Variants in TIAM1 observed in about 807,000 individuals in gnomAD.
TIAM1 encodes rho guanine nucleotide exchange factor TIAM1.
In TIAM1, 65 loss-of-function variants were observed where a neutral mutation model predicts 163.5. That is an observed-to-expected ratio of 0.40 (90% CI 0.33 to 0.49). The LOEUF (loss-of-function observed/expected upper bound fraction) is 0.49, where lower values mean the gene tolerates loss of function less well. Ranked by LOEUF, TIAM1 falls within the 20% of genes least tolerant of loss-of-function variation. TIAM1 has a pLI of 0.77. For missense variants in TIAM1, 1,789 were observed against 2,044.7 expected (o/e 0.87, Z 2.41); for synonymous variants, 833 against 810.1 (o/e 1.03, Z -0.48).
At chr21:31,149,169 G>A (rs1299275549) in intron 19 of TIAM1, among the ~76,000 whole-genome samples, 1 of 152,146 alleles carries the variant, frequency 6.6e-6, no homozygotes, top group African/African-American at 2.4e-5. Context: ...GCAAAGTGAA[G>A]GTATATGAAG....
intron 2 of TIAM1, among the ~76,000 whole-genome samples, chr21:31,289,740 T>C (rs1371661386): frequency 2.0e-5 from 3 of 152,142 alleles, no homozygotes; most frequent in African/African-American, 4.8e-5. Context: ...TCTTTTAATA[T>C]AAAGGCAATT....
At chr21:31,326,908 C>A (rs1025097584) in intron 2 of TIAM1, among the ~76,000 whole-genome samples, 1 of 152,128 alleles carries the variant, frequency 6.6e-6, no homozygotes, top group African/African-American at 2.4e-5. Flanking sequence ...CATCTGTGGG[C>A]AAGTTTACCA....
chr21:31,219,625 G>A (rs573734175), intron 8 of TIAM1, among the ~76,000 whole-genome samples: 2 of 152,288 alleles, frequency 1.3e-5, no homozygotes, highest in Admixed American at 6.5e-5. Flanking sequence ...AATCAAAACG[G>A]CTTCTCTACA....
In TIAM1 at chr21:31,210,647, AAG is replaced by A. The variant is rs1331246598; in HGVS notation, c.2218-434_2218-433del. Among the ~76,000 whole-genome samples, 80 of 25,306 alleles carry A rather than the reference AAG, an allele frequency of 3.2e-3. 3 individuals are homozygous for A. Among genetic ancestry groups the A allele is most frequent in the South Asian group, 9.1e-3 (6 of 660 alleles). The allele number at this position is 25,306 out of a possible 152,430, so 16.6% of individuals were successfully genotyped here. ...AAAGAAAGAAAGAAAGAAAGAAAGA[AAG>A]AAAGAAAGAAAGAAAGAAAAAGAAA... On this transcript the variant is annotated intron_variant, in intron 10 of 27. Coordinates refer to ENST00000541036, the MANE Select transcript of TIAM1 (RefSeq NM_001353694.2).
chr21:31,390,882 T>C (rs944239673), intron 2 of TIAM1, among the ~76,000 whole-genome samples: 12 of 152,126 alleles, frequency 7.9e-5, no homozygotes, highest in Admixed American at 1.3e-4. Flanking sequence ...ACGACTAGCT[T>C]TTCCAGGATC....
chr21:31,382,529 T>C (rs1312553289), intron 2 of TIAM1, among the ~76,000 whole-genome samples: 1 of 152,246 alleles, frequency 6.6e-6, no homozygotes, highest in East Asian at 1.9e-4. Flanking sequence ...AACAACCTCC[T>C]GACAACTCTT....
At chr21:31,332,075 C>T (rs1188355203) in intron 2 of TIAM1, among the ~76,000 whole-genome samples, 2 of 152,206 alleles carry the variant, frequency 1.3e-5, no homozygotes, top group African/African-American at 4.8e-5. Flanking sequence ...TTTCTGCTCT[C>T]AAAATTACTT....
chr21:31,325,865 T>C (rs1434230641), intron 2 of TIAM1, among the ~76,000 whole-genome samples: 1 of 152,200 alleles, frequency 6.6e-6, no homozygotes, highest in African/African-American at 2.4e-5. Flanking sequence ...TTTTCCCCTT[T>C]ACTGTTTACT....
intron 2 of TIAM1, among the ~76,000 whole-genome samples, chr21:31,427,364 G>A (rs1386203694): frequency 3.9e-5 from 6 of 152,134 alleles, no homozygotes; most frequent in Non-Finnish European, 4.4e-5. Context: ...GTGGGCGCCT[G>A]TAGTCCCAGC....
intron 25 of TIAM1, among the ~76,000 whole-genome samples, chr21:31,128,835 G>A (rs2082306218): frequency 6.6e-6 from 1 of 152,188 alleles, no homozygotes; most frequent in African/African-American, 2.4e-5. Context: ...AGGAAGAGAT[G>A]CCTCATTTAA....
chr21:31,517,562 CTA>C (rs972584186), intron 1 of TIAM1, among the ~76,000 whole-genome samples: 3 of 152,088 alleles, frequency 2.0e-5, no homozygotes, highest in African/African-American at 7.2e-5. Flanking sequence ...GAGGAAAAAG[CTA>C]TGTGACCACA....
chr21:31,187,158 C>A (rs1400503448), intron 13 of TIAM1, 71 bp from the exon 14 acceptor site: 10 of 1,334,558 alleles, frequency 7.5e-6, no homozygotes, highest in South Asian at 1.2e-5. Context: ...CAGGAAGTGC[C>A]TGCTGTGAAC....
chr21:31,555,280 A>C (rs1328184449), intron 1 of TIAM1, among the ~76,000 whole-genome samples: 1 of 151,912 alleles, frequency 6.6e-6, no homozygotes, highest in Non-Finnish European at 1.5e-5. Flanking sequence ...AAAAACAGAA[A>C]CGTTTACTAG....
intron 23 of TIAM1, among the ~76,000 whole-genome samples, chr21:31,134,227 T>G (rs2082529535): frequency 6.6e-6 from 1 of 152,200 alleles, no homozygotes; most frequent in African/African-American, 2.4e-5. Context: ...AATGTTGACC[T>G]CTATGACTGC....
chr21:31,224,325 T>C (rs1255063757), intron 7 of TIAM1, among the ~76,000 whole-genome samples: 1 of 152,164 alleles, frequency 6.6e-6, no homozygotes, highest in East Asian at 1.9e-4. Flanking sequence ...GCAGCACTGT[T>C]TGCAAAAGGT....
intron 2 of TIAM1, among the ~76,000 whole-genome samples, chr21:31,280,024 G>A (rs537353364): frequency 1.3e-5 from 2 of 150,492 alleles, no homozygotes; most frequent in South Asian, 2.1e-4. Context: ...AGACACACAC[G>A]CGTGCGCGCA....
chr21:31,382,844 T>C (rs1366584323), intron 2 of TIAM1, among the ~76,000 whole-genome samples: 2 of 152,242 alleles, frequency 1.3e-5, no homozygotes, highest in Non-Finnish European at 2.9e-5. Context: ...AGTATGCTTT[T>C]ATGCCTTCAA....
chr21:31,313,528 G>A (rs535425464), intron 2 of TIAM1, among the ~76,000 whole-genome samples: 1 of 152,306 alleles, frequency 6.6e-6, no homozygotes, highest in South Asian at 2.1e-4. Context: ...TGTCATTCAT[G>A]ATATGTGGGG....
chr21:31,534,757 T>C (rs2833439), intron 1 of TIAM1, among the ~76,000 whole-genome samples: 92,379 of 151,996 alleles, frequency 0.61, 28,605 homozygotes, highest in East Asian at 0.91. Context: ...GAATCTTGAC[T>C]GCCCCCAAAA....
Sources: gnomAD v4.1 joint callset for allele counts (sites outside exome capture counted in the v4.1 genomes callset) on GRCh38, gnomAD v4.1.1 for gene constraint, MANE v1.5 for transcripts, NCBI Gene and HGNC (gene_info 2026-07-23, HGNC 2026-07-21) for gene names.